Variants in WDR11 observed in about 807,000 individuals in gnomAD.
WDR11 encodes the protein WD repeat domain 11, also known as WD repeat-containing protein 11.
WDR11 carries 83 observed loss-of-function variants against 151.2 expected under a neutral mutation model. The ratio of observed to expected loss-of-function variants is 0.55; its 90% CI spans 0.46 to 0.66. WDR11 has a LOEUF of 0.66. Ranked by LOEUF, WDR11 falls within the 30% of genes least tolerant of loss-of-function variation. The probability of loss-of-function intolerance (pLI) is 0.00; values close to 1 mark genes in which losing one functional copy is unlikely to be tolerated. For synonymous variants in WDR11, 484 were observed against 533.1 expected (o/e 0.91, Z 1.27); for missense variants, 1,301 against 1,480.9 (o/e 0.88, Z 1.99).
Position 120,885,878 on chromosome 10 carries a change from T to C in WDR11, c.1913T>C (p.Met638Thr). Residue 638 changes from methionine (M) to threonine (T), a missense_variant, in exon 15 of 29, where the codon ATG (methionine) becomes ACG (threonine). By Grantham distance (81) the Met-to-Thr change is moderately conservative. Transcript: ENST00000263461. The part of the protein sequence containing the change: ...RKKQLATREA[M>T]ARQTVVSDTE... ...AAGCAACTTGCAACTCGAGAGGCCATGGCCCGCCAGACCGTAGTCTCAGAC... is the reference window on the plus strand; with the variant it reads ...AAGCAACTTGCAACTCGAGAGGCCACGGCCCGCCAGACCGTAGTCTCAGAC... 6.2e-7 allele frequency: 1 copy of C among 1,613,918 alleles called. No individual in the cohort carries two copies. Among genetic ancestry groups the C allele is most frequent in the Non-Finnish European group, 8.5e-7 (1 of 1,179,828 alleles).
chr10:120,899,918 C>T, intron 19 of WDR11, 111 bp from the exon 20 acceptor site: 2 of 853,492 alleles, frequency 2.3e-6, no homozygotes, highest in South Asian at 2.8e-5. Context: ...CTCAGTTGTT[C>T]CAGATTTACC....
At chr10:120,898,997 A>T (rs929915484) in intron 19 of WDR11, among the ~76,000 whole-genome samples, 2 of 152,316 alleles carry the variant, frequency 1.3e-5, no homozygotes, top group South Asian at 4.1e-4. Flanking sequence ...AGTTGGTAGT[A>T]AGGCCAAGTT....
chr10:120,905,015 G>A (rs777043948), intron 25 of WDR11, among the ~76,000 whole-genome samples: 1 of 152,194 alleles, frequency 6.6e-6, no homozygotes, highest in Non-Finnish European at 1.5e-5. Flanking sequence ...AGGGGGCACT[G>A]TTAATAATTG....
chr10:120,859,994 G>C lies in WDR11; in HGVS notation c.353-115G>C, dbSNP rs923280839. Reference sequence around the variant, plus strand: ...ACACACACACGTCACATTTGGGGCTGGTGGTTAAGTTTTTAAAGATTATAT... The same window carrying C: ...ACACACACACGTCACATTTGGGGCTCGTGGTTAAGTTTTTAAAGATTATAT... On this transcript the variant is annotated intron_variant, in intron 3 of 28. Coordinates refer to ENST00000263461, the MANE Select transcript of WDR11 (RefSeq NM_018117.12). The C allele has an allele frequency of 1.8e-5, 21 of 1,163,422 alleles. No individual in the cohort carries two copies. In the East Asian group the frequency reaches 5.3e-4, roughly 29 times the overall value. 72.1% of individuals were successfully genotyped at this position (1,163,422 alleles called of 1,614,324 possible).
At chr10:120,853,126 G>A (rs889751111) in intron 2 of WDR11, among the ~76,000 whole-genome samples, 3 of 152,194 alleles carry the variant, frequency 2.0e-5, no homozygotes, top group South Asian at 2.1e-4. Flanking sequence ...GCATTGCAGG[G>A]AAAAGCAAGA....
intron 10 of WDR11, among the ~76,000 whole-genome samples, chr10:120,873,568 G>A (rs1301769668): frequency 1.3e-5 from 2 of 152,144 alleles, no homozygotes; most frequent in Admixed American, 6.5e-5. Context: ...AATTGTATGT[G>A]TATTAATGTA....
rs1848084516 is a variant in WDR11 at position 120,907,145 on chromosome 10, AG to A, written c.3517+292del. On this transcript the variant is annotated intron_variant, in intron 28 of 28. Coordinates refer to ENST00000263461, the MANE Select transcript of WDR11 (RefSeq NM_018117.12). ...TTGTCTGAACTTAAAAAGAAGATGA[AG>A]GAATGATTTGGGAAACAGGTAGAAG... The A allele has an allele frequency of 1.8e-5, 7 of 393,602 alleles. No homozygotes were observed. In the South Asian group the frequency reaches 1.9e-4, roughly 11 times the overall value. 24.4% of individuals were successfully genotyped at this position (393,602 alleles called of 1,614,324 possible).
chr10:120,903,131 T>C lies in WDR11; in HGVS notation c.2830T>C (p.Ser944Pro), dbSNP rs1217378587. Reference sequence around the variant, plus strand: ...CCTGCACAGCTTATCCCAGGAAAAGTCAGCCAGCACAACAGCTCCTAAAGA... The same window carrying C: ...CCTGCACAGCTTATCCCAGGAAAAGCCAGCCAGCACAACAGCTCCTAAAGA... Reference protein sequence around the residue: ...HYLHSLSQEKSASTTAPKEAA... With the variant: ...HYLHSLSQEKPASTTAPKEAA... Residue 944 changes from serine (S) to proline (P), a missense_variant, in exon 23 of 29, where the codon TCA becomes CCA. Around this residue, in one of 3 missense-constraint regions of WDR11, gnomAD observed 589 missense variants for 670.6 expected, o/e 0.88. Coordinates refer to ENST00000263461, the MANE Select transcript of WDR11 (RefSeq NM_018117.12). 2.5e-6 allele frequency: 4 copies of C among 1,613,964 alleles called. No homozygotes were observed. Among genetic ancestry groups the C allele is most frequent in the Non-Finnish European group, 2.5e-6 (3 of 1,180,032 alleles).
intron 28 of WDR11, 63 bp from the exon 29 acceptor site, chr10:120,908,493 G>T: frequency 6.4e-7 from 1 of 1,569,300 alleles, no homozygotes; most frequent in South Asian, 1.1e-5. Flanking sequence ...TCCTGCTTCT[G>T]GGAGCCTGTG....
intron 21 of WDR11, among the ~76,000 whole-genome samples, chr10:120,901,569 T>G (rs1238823446): frequency 2.6e-5 from 4 of 152,306 alleles, no homozygotes; most frequent in Non-Finnish European, 5.9e-5. Context: ...CAGAATGTAC[T>G]GGGAATAAGA....
intron 19 of WDR11, among the ~76,000 whole-genome samples, chr10:120,892,587 G>A (rs902973597): frequency 1.3e-5 from 2 of 152,156 alleles, no homozygotes; most frequent in Non-Finnish European, 2.9e-5. Flanking sequence ...AAGTATATTT[G>A]GGGCTTACTG....
intron 26 of WDR11, 70 bp downstream of exon 26, chr10:120,905,486 CTT>C: frequency 6.5e-7 from 1 of 1,534,512 alleles, no homozygotes; most frequent in Non-Finnish European, 9.0e-7. Context: ...GAACTTTGGA[CTT>C]ATGACTTAGA....
chr10:120,865,240 C>A (rs375722587), intron 6 of WDR11, 28 bp downstream of exon 6: 4 of 1,605,958 alleles, frequency 2.5e-6, no homozygotes, highest in South Asian at 1.1e-5. Flanking sequence ...ATTATATTCC[C>A]CAAAATTATT....
chr10:120,885,803 T>C lies in WDR11; in HGVS notation c.1849-11T>C. ...CTAGCACTTCTAGGTTTGTCTGCAT[T>C]TGCTTTACAGGAGTGGTCACCATCT... is the stretch of plus-strand genomic sequence containing the variant. On this transcript the variant is annotated splice_polypyrimidine_tract_variant and intron_variant, in intron 14 of 28. Transcript: ENST00000263461. The C allele has an allele frequency of 3.1e-6, 5 of 1,613,464 alleles. No individual in the cohort carries two copies. The South Asian group carries it at 3.3e-5, about 11-fold the overall frequency.
chr10:120,869,106 GTTT>G (rs35675368), intron 9 of WDR11, among the ~76,000 whole-genome samples: 9 of 82,016 alleles, frequency 1.1e-4, no homozygotes, highest in Non-Finnish European at 1.4e-4. Context: ...TAAATTACAG[GTTT>G]TTTTTTTTTT....
chr10:120,896,859 G>C (rs1306304651), intron 19 of WDR11, among the ~76,000 whole-genome samples: 1 of 152,160 alleles, frequency 6.6e-6, no homozygotes, highest in East Asian at 1.9e-4. Context: ...ATGTTCCCTG[G>C]CTCTGCTCAC....
At position 120,883,832 on chromosome 10, in the gene WDR11, A is replaced by T. The variant is rs373275998; in HGVS notation, c.1792A>T (p.Arg598Trp). ...TAAACCCCTGGAGCTATGGGATGTT[A>T]GGACTTGTACCCTTCTTAGAGAGAT... ...RDKPLELWDV[R>W]TCTLLREMSK... Residue 598 changes from arginine (R) to tryptophan (W), a missense_variant, in exon 14 of 29, where the codon AGG (arginine) becomes TGG (tryptophan). Arg to Trp is a moderately radical substitution (Grantham distance 101, BLOSUM62 -3). Around this residue, in one of 3 missense-constraint regions of WDR11, gnomAD observed 692 missense variants for 762.5 expected, o/e 0.91. Coordinates refer to ENST00000263461, the MANE Select transcript of WDR11 (RefSeq NM_018117.12). The T allele has an allele frequency of 2.8e-5, 45 of 1,613,602 alleles. No homozygotes were observed. The highest frequency in any genetic ancestry group is 3.7e-5 in the Non-Finnish European group (44 of 1,179,644).
At chr10:120,893,788 T>C (rs1238412488) in intron 19 of WDR11, among the ~76,000 whole-genome samples, 12 of 152,042 alleles carry the variant, frequency 7.9e-5, no homozygotes, top group African/African-American at 2.7e-4. Flanking sequence ...TTTTTTCATG[T>C]GTTTTTTGGC....
At chr10:120,905,482 T>C (rs1336312174) in intron 26 of WDR11, 66 bp downstream of exon 26, 4 of 1,554,482 alleles carry the variant, frequency 2.6e-6, no homozygotes, top group African/African-American at 1.4e-5. Flanking sequence ...TCCTGAACTT[T>C]GGACTTATGA....
Sources: gnomAD v4.1 joint callset for allele counts (sites outside exome capture counted in the v4.1 genomes callset) on GRCh38, gnomAD v4.1.1 for gene constraint, gnomAD v4.1.1 regional missense constraint, MANE v1.5 for transcripts, NCBI Gene and HGNC (gene_info 2026-07-23, HGNC 2026-07-21) for gene names.